SCN9A: variants seen among roughly 807,000 people sequenced by gnomAD.
The protein encoded by SCN9A is sodium voltage-gated channel alpha subunit 9, also known as sodium channel protein type 9 subunit alpha.
In SCN9A, 131 loss-of-function variants were observed where a neutral mutation model predicts 187.0. The ratio of observed to expected loss-of-function variants is 0.70; its 90% CI spans 0.61 to 0.81. SCN9A has a LOEUF of 0.81. SCN9A is among the 30% of genes least tolerant of loss of function. The pLI, the probability that SCN9A is intolerant of heterozygous loss-of-function variation, is 0.00. For missense variants in SCN9A, 2,252 were observed against 2,396.6 expected (o/e 0.94, Z 1.26); for synonymous variants, 809 against 808.6 (o/e 1.00, Z -0.01).
At chr2:166,368,752 C>T (rs1159284892) in intron 1 of SCN9A, among the ~76,000 whole-genome samples, 3 of 150,884 alleles carry the variant, frequency 2.0e-5, no homozygotes, top group African/African-American at 4.9e-5. Flanking sequence ...CTTTGGGGGG[C>T]CTAGGCGGGC....
intron 1 of SCN9A, among the ~76,000 whole-genome samples, chr2:166,339,333 T>A (rs1253002658): frequency 1.3e-5 from 2 of 152,142 alleles, no homozygotes; most frequent in African/African-American, 4.8e-5. Flanking sequence ...ATATATAATG[T>A]ATCACAGAAA....
In SCN9A at chr2:166,266,162, C is replaced by A. The variant is rs191002847; in HGVS notation, c.3351+6237G>T. 1.7e-3 allele frequency among the ~76,000 whole-genome samples: 260 copies of A among 151,696 alleles called. 1 individual carries two copies. The highest frequency in any genetic ancestry group is 6.0e-3 in the African/African-American group (250 of 41,340). On this transcript the variant is annotated intron_variant, in intron 17 of 26. Coordinates refer to ENST00000642356, the MANE Select transcript of SCN9A (RefSeq NM_001365536.1). The stretch of plus-strand genomic sequence containing the variant: ...CTAGAACAACATCATGAAGCTTTCC[C>A]CCTGTTTTTTTTCTTCTCTAATAGT...
rs1553475289 is a variant in SCN9A, at chr2:166,209,618, A to AAAAAC, written c.4399-5155_4399-5154insGTTTT. On this transcript the variant is annotated intron_variant, in intron 24 of 26. Transcript: ENST00000642356. ...GAGAAAGAATCAACAAACCAAGAAA[A>AAAAAC]AAACAACCCCATCAAAAACTGGGTA... 1.8e-3 allele frequency among the ~76,000 whole-genome samples: 267 copies of AAAAAC among 151,860 alleles called. 2 individuals carry two copies. Among genetic ancestry groups the AAAAAC allele is most frequent in the African/African-American group, 5.5e-3 (226 of 41,456 alleles).
intron 1 of SCN9A, among the ~76,000 whole-genome samples, chr2:166,318,828 G>T (rs1301043858): frequency 6.6e-6 from 1 of 152,062 alleles, no homozygotes; most frequent in Admixed American, 6.6e-5. Context: ...AATGCATGGA[G>T]TTCTATATCT....
intron 24 of SCN9A, among the ~76,000 whole-genome samples, chr2:166,224,040 T>C (rs990902513): frequency 6.6e-6 from 1 of 152,158 alleles, no homozygotes; most frequent in Non-Finnish European, 1.5e-5. Flanking sequence ...TTGGTGGTGA[T>C]AGTATCAACC....
chr2:166,248,410 A>C (rs1414083054), intron 18 of SCN9A: 1 of 152,070 alleles, frequency 6.6e-6, no homozygotes, highest in African/African-American at 2.4e-5. Flanking sequence ...TCTAACTTCA[A>C]AATATACTCA....
chr2:166,280,790 A>G (rs1379140419), intron 13 of SCN9A, among the ~76,000 whole-genome samples, 195 bp from the exon 14 acceptor site: 1 of 152,220 alleles, frequency 6.6e-6, no homozygotes, highest in Non-Finnish European at 1.5e-5. Context: ...TAGATGAAGC[A>G]TAAGAGAGGG....
chr2:166,336,271 G>A (rs1330246392), intron 1 of SCN9A, among the ~76,000 whole-genome samples: 2 of 152,034 alleles, frequency 1.3e-5, no homozygotes, highest in Non-Finnish European at 2.9e-5. Flanking sequence ...AATTACTGTC[G>A]CAGAAAAATG....
chr2:166,256,203 C>T (rs1043140971), intron 17 of SCN9A, among the ~76,000 whole-genome samples: 1 of 151,262 alleles, frequency 6.6e-6, no homozygotes, highest in Admixed American at 6.6e-5. Flanking sequence ...GAAATGTGAA[C>T]ATTATCCTCT....
chr2:166,236,784 T>C (rs370333736), intron 20 of SCN9A, among the ~76,000 whole-genome samples: 1 of 152,210 alleles, frequency 6.6e-6, no homozygotes, highest in South Asian at 2.1e-4. Context: ...TGAGTAAATA[T>C]GACTAATTTG....
At chr2:166,298,215 T>C (rs974288326) in intron 7 of SCN9A, among the ~76,000 whole-genome samples, 2 of 152,198 alleles carry the variant, frequency 1.3e-5, no homozygotes, top group Non-Finnish European at 2.9e-5. Flanking sequence ...TTCCTGTTAG[T>C]AGTGAAGGCC....
Position 166,331,675 on chromosome 2 carries a change from A to G in SCN9A, c.-50-19869T>C, listed in dbSNP as rs144136503. Among the ~76,000 whole-genome samples the G allele has an allele frequency of 6.4e-4, 97 of 152,334 alleles. 4 individuals are homozygous for G. The East Asian group carries it at 0.016, about 25-fold the overall frequency. On this transcript the variant is annotated intron_variant, in intron 1 of 26. Coordinates refer to ENST00000642356, the MANE Select transcript of SCN9A (RefSeq NM_001365536.1). Reference sequence around the variant, plus strand: ...ATCCAAGAATTTATTTAATAGTGCTATAAGAGATGAGTGTCTTCTTCTTTG... The same window carrying G: ...ATCCAAGAATTTATTTAATAGTGCTGTAAGAGATGAGTGTCTTCTTCTTTG...
At chr2:166,276,787 T>G (rs888490669) in intron 16 of SCN9A, 196 bp downstream of exon 16, 1 of 373,284 alleles carries the variant, frequency 2.7e-6, no homozygotes, top group African/African-American at 2.1e-5. Flanking sequence ...AATATAAATA[T>G]GGGTTATTTG....
At chr2:166,317,164 C>T (rs535997775) in intron 1 of SCN9A, among the ~76,000 whole-genome samples, 9 of 150,042 alleles carry the variant, frequency 6.0e-5, no homozygotes, top group African/African-American at 2.0e-4. Context: ...TGTCTTTATA[C>T]TTTACTTTTC....
At position 166,209,054 on chromosome 2, in the gene SCN9A, T is replaced by C. The variant is rs147712689; in HGVS notation, c.4399-4590A>G. Among the ~76,000 whole-genome samples the C allele has an allele frequency of 4.9e-4, 74 of 152,298 alleles. No homozygotes were observed. The East Asian group carries it at 0.013, about 26-fold the overall frequency. ...GAAAGAACCAGTATGATTAGAACAA[T>C]TGATACAGCTACAAACATAGGAAAA... On this transcript the variant is annotated intron_variant, in intron 24 of 26. Transcript: ENST00000642356.
At chr2:166,340,598 CTT>C (rs748754609) in intron 1 of SCN9A, among the ~76,000 whole-genome samples, 1 of 53,014 alleles carries the variant, frequency 1.9e-5, no homozygotes, top group South Asian at 4.7e-4. Context: ...TTCTTTCTTT[CTT>C]TCTTTTTCTT....
chr2:166,245,016 T>G (rs1435880665), intron 18 of SCN9A, among the ~76,000 whole-genome samples: 2 of 152,042 alleles, frequency 1.3e-5, no homozygotes, highest in Non-Finnish European at 2.9e-5. Flanking sequence ...GAAATTCTGT[T>G]TTTTGATTTG....
At chr2:166,292,906 A>G (rs1234174520) in intron 9 of SCN9A, among the ~76,000 whole-genome samples, 2 of 152,152 alleles carry the variant, frequency 1.3e-5, no homozygotes. Flanking sequence ...CCAAGCACGC[A>G]TGGAAAACAG....
intron 14 of SCN9A, among the ~76,000 whole-genome samples, chr2:166,279,279 G>C (rs1697373367): frequency 6.6e-6 from 1 of 152,184 alleles, no homozygotes; most frequent in Non-Finnish European, 1.5e-5. Flanking sequence ...TAGAAGAAAA[G>C]ACAGACTCAG....
Sources: gnomAD v4.1 joint callset for allele counts (sites outside exome capture counted in the v4.1 genomes callset) on GRCh38, gnomAD v4.1.1 for gene constraint, MANE v1.5 for transcripts, NCBI Gene and HGNC (gene_info 2026-07-23, HGNC 2026-07-21) for gene names.